Variants in NRXN3 observed in about 807,000 individuals in gnomAD.
NRXN3 encodes neurexin 3.
Under a neutral mutation model 137.6 loss-of-function variants are expected in NRXN3, and 32 were observed. The observed-to-expected ratio is 0.23, with a 90% CI of 0.18 to 0.31. The LOEUF is 0.31. Among genes scored for constraint, NRXN3 ranks in the 10% least tolerant of loss-of-function variants. The pLI is 1.00. For synonymous variants in NRXN3, 798 were observed against 784.5 expected (o/e 1.02, Z -0.29); for missense variants, 1,574 against 2,062.5 (o/e 0.76, Z 4.59).
rs74063790 is a variant in NRXN3 at position 79,675,207 on chromosome 14, A to G, written c.3616+11258A>G. Among the ~76,000 whole-genome samples, 712 of 152,140 alleles carry G rather than the reference A, an allele frequency of 4.7e-3. 6 individuals carry two copies. The highest frequency in any genetic ancestry group is 0.017 in the African/African-American group (690 of 41,564). On this transcript the variant is annotated intron_variant, in intron 17 of 20. Coordinates refer to ENST00000335750, the MANE Select transcript of NRXN3 (RefSeq NM_001330195.2). ...GGGATCACCAAACCTTTTCCCCCAA[A>G]GGCCAAATAACAAGTAGCATAGGCT... is the stretch of plus-strand genomic sequence containing the variant.
At chr14:79,130,612 T>C (rs1002707672) in intron 15 of NRXN3, among the ~76,000 whole-genome samples, 1 of 152,124 alleles carries the variant, frequency 6.6e-6, no homozygotes, top group African/African-American at 2.4e-5. Context: ...GCCCTTAACA[T>C]TTTTTCCATC....
At chr14:79,693,499 G>A (rs1461531118) in intron 18 of NRXN3, among the ~76,000 whole-genome samples, 3 of 151,828 alleles carry the variant, frequency 2.0e-5, no homozygotes, top group Non-Finnish European at 4.4e-5. Context: ...TAACATTAAA[G>A]ACAATGATTG....
chr14:78,431,615 A>G (rs776868925), intron 4 of NRXN3, among the ~76,000 whole-genome samples: 1 of 152,094 alleles, frequency 6.6e-6, no homozygotes, highest in Non-Finnish European at 1.5e-5. Context: ...GTTGGGGAGT[A>G]TATCTTTGGT....
intron 6 of NRXN3, among the ~76,000 whole-genome samples, chr14:78,652,546 G>T (rs1195457777): frequency 6.6e-6 from 1 of 152,222 alleles, no homozygotes; most frequent in Non-Finnish European, 1.5e-5. Flanking sequence ...AGCAAACAGT[G>T]TTCCTTCTTG....
chr14:79,842,431 G>C (rs1316506277), intron 20 of NRXN3, among the ~76,000 whole-genome samples: 1 of 152,144 alleles, frequency 6.6e-6, no homozygotes, highest in East Asian at 1.9e-4. Flanking sequence ...AAGCCAGAGA[G>C]TATGGCCAGA....
intron 8 of NRXN3, among the ~76,000 whole-genome samples, chr14:78,797,929 C>T (rs1043481813): frequency 2.0e-5 from 3 of 152,010 alleles, no homozygotes; most frequent in Admixed American, 2.0e-4. Flanking sequence ...GGAAACTGCC[C>T]CCAGGATTCA....
chr14:78,396,820 A>G (rs896575796), intron 4 of NRXN3, among the ~76,000 whole-genome samples: 2 of 152,130 alleles, frequency 1.3e-5, no homozygotes, highest in Non-Finnish European at 2.9e-5. Flanking sequence ...CCATCACACA[A>G]TATCATAGAC....
At chr14:79,786,762 T>A (rs535520956) in intron 19 of NRXN3, among the ~76,000 whole-genome samples, 2 of 152,350 alleles carry the variant, frequency 1.3e-5, no homozygotes, top group East Asian at 3.9e-4. Flanking sequence ...AACAGTCTAG[T>A]GCATTAATGT....
Position 79,472,809 on chromosome 14 carries a change from G to T in NRXN3, c.3444+5407G>T, listed in dbSNP as rs1417901608. On this transcript the variant is annotated intron_variant, in intron 16 of 20. Coordinates refer to ENST00000335750, the MANE Select transcript of NRXN3 (RefSeq NM_001330195.2). ...ACAACAGGGAAAAAAAACTGAATAG[G>T]ACTAGAGAAGAGATTGGCATGAAGT... 2.0e-5 allele frequency among the ~76,000 whole-genome samples: 3 copies of T among 152,088 alleles called. No individual in the cohort carries two copies. The East Asian group carries it at 5.8e-4, about 29-fold the overall frequency.
At chr14:79,430,522 G>T (rs2095734360) in intron 15 of NRXN3, among the ~76,000 whole-genome samples, 1 of 152,156 alleles carries the variant, frequency 6.6e-6, no homozygotes, top group African/African-American at 2.4e-5. Flanking sequence ...GGCAAACAAA[G>T]GAGAAGCTAA....
rs144721747 is a variant in NRXN3, at chr14:78,270,958, T to C, written c.710-7687T>C. Among the ~76,000 whole-genome samples, 453 of 152,324 alleles carry C rather than the reference T, an allele frequency of 3.0e-3. 2 individuals are homozygous for C. Among genetic ancestry groups the C allele is most frequent in the Non-Finnish European group, 5.2e-3 (351 of 68,034 alleles). ...GCAAGCTGTGTAGGAACACTCAAAG[T>C]GCACACATCTCAAACTTGTACCAGC... On this transcript the variant is annotated intron_variant, in intron 2 of 20. Transcript: ENST00000335750.
chr14:78,614,223 A>G, intron 4 of NRXN3, among the ~76,000 whole-genome samples: 1 of 152,238 alleles, frequency 6.6e-6, no homozygotes, highest in Admixed American at 6.5e-5. Context: ...CAAACAGTTC[A>G]GCATTTTAAA....
intron 10 of NRXN3, among the ~76,000 whole-genome samples, chr14:78,935,055 C>A (rs1351594056): frequency 6.6e-6 from 1 of 152,098 alleles, no homozygotes; most frequent in Non-Finnish European, 1.5e-5. Flanking sequence ...GTTATGGCTC[C>A]TAGGCATATG....
At chr14:79,163,084 A>T (rs1782367706) in intron 15 of NRXN3, among the ~76,000 whole-genome samples, 1 of 151,788 alleles carries the variant, frequency 6.6e-6, no homozygotes, top group African/African-American at 2.4e-5. Context: ...TATGGGCTTC[A>T]CTTTGGGAGA....
chr14:78,305,038 T>G (rs982200419), intron 4 of NRXN3, among the ~76,000 whole-genome samples: 1 of 152,186 alleles, frequency 6.6e-6, no homozygotes. Context: ...AGAAAAAGAT[T>G]CCTTCAAGAT....
intron 8 of NRXN3, among the ~76,000 whole-genome samples, chr14:78,750,054 A>C (rs987318222): frequency 6.6e-6 from 1 of 152,194 alleles, no homozygotes; most frequent in Non-Finnish European, 1.5e-5. Flanking sequence ...AAACAGATGA[A>C]AGGGATTCCC....
At chr14:78,680,218 G>A (rs2098059885) in intron 6 of NRXN3, among the ~76,000 whole-genome samples, 1 of 152,048 alleles carries the variant, frequency 6.6e-6, no homozygotes, top group Admixed American at 6.6e-5. Context: ...ACACACTGGG[G>A]CCTGTAGGAA....
chr14:78,438,388 T>A lies in NRXN3; in HGVS notation c.757+140528T>A, dbSNP rs370690128. ...TAGGGGTGGTATGTGACCTGTGCAG[T>A]GGGTGAGATTGTCTTGGAGAAACTA... On this transcript the variant is annotated intron_variant, in intron 4 of 20. Transcript: ENST00000335750. Among the ~76,000 whole-genome samples the A allele has an allele frequency of 7.9e-5, 12 of 152,210 alleles. No homozygotes were observed. The East Asian group carries it at 9.6e-4, about 12-fold the overall frequency.
intron 15 of NRXN3, among the ~76,000 whole-genome samples, chr14:79,013,447 C>A (rs1209605094): frequency 1.3e-5 from 2 of 152,134 alleles, no homozygotes; most frequent in African/African-American, 4.8e-5. Flanking sequence ...AACAATATCC[C>A]AGTAACAGCC....
Sources: gnomAD v4.1 joint callset for allele counts (sites outside exome capture counted in the v4.1 genomes callset) on GRCh38, gnomAD v4.1.1 for gene constraint, MANE v1.5 for transcripts, NCBI Gene and HGNC (gene_info 2026-07-23, HGNC 2026-07-21) for gene names.